SEMA5B: variants seen among roughly 807,000 people sequenced by gnomAD.
SEMA5B encodes the protein semaphorin 5B.
SEMA5B carries 66 observed loss-of-function variants against 135.0 expected under a neutral mutation model. The observed-to-expected ratio is 0.49, with a 90% CI of 0.40 to 0.60. The LOEUF (loss-of-function observed/expected upper bound fraction) is 0.60. Among genes scored for constraint, SEMA5B ranks in the 20% least tolerant of loss-of-function variants. SEMA5B has a pLI of 0.00. For synonymous variants in SEMA5B, 690 were observed against 639.5 expected, an observed-to-expected ratio of 1.08 and a Z score of -1.19; for missense variants, 1,501 against 1,566.3, an observed-to-expected ratio of 0.96 and a Z score of 0.70.
At chr3:123,015,088 G>A (rs1157995556) in intron 1 of SEMA5B, among the ~76,000 whole-genome samples, 1 of 152,180 alleles carries the variant, frequency 6.6e-6, no homozygotes, top group Non-Finnish European at 1.5e-5. Context: ...CAAACCACCG[G>A]AAGCCAGGAG....
chr3:122,915,394 C>T (rs1938009311), intron 14 of SEMA5B, 46 bp downstream of exon 14: 6 of 1,546,988 alleles, frequency 3.9e-6, no homozygotes, highest in Non-Finnish European at 5.2e-6. Context: ...TAGTTCTCCC[C>T]ACCCTGGTCC....
At chr3:123,028,264 C>T (rs1242870818), upstream of SEMA5B, among the ~76,000 whole-genome samples, 7 of 152,200 alleles carry the variant, frequency 4.6e-5, no homozygotes, top group African/African-American at 1.7e-4. Context: ...GGGAAGGGAC[C>T]TCGTGTAAAA....
intron 1 of SEMA5B, among the ~76,000 whole-genome samples, chr3:122,985,134 A>C (rs1941658560): frequency 1.3e-5 from 2 of 152,224 alleles, no homozygotes. Context: ...CAGAAAAATC[A>C]ATTGTTCCTG....
At position 122,913,693 on chromosome 3, in the gene SEMA5B, G is replaced by T. The variant is rs747718823; in HGVS notation, c.2133-12C>A. On this transcript the variant is annotated splice_polypyrimidine_tract_variant and intron_variant, in intron 15 of 22. Coordinates refer to ENST00000357599, the MANE Select transcript of SEMA5B (RefSeq NM_001031702.4). ...TCTCATTACAGAACCTGGGGTCGGGGGAGAGGCGTCAATCCAGGGAGGGGG... is the reference window on the plus strand; with the variant it reads ...TCTCATTACAGAACCTGGGGTCGGGTGAGAGGCGTCAATCCAGGGAGGGGG... The T allele has an allele frequency of 6.2e-7, 1 of 1,612,582 alleles. No homozygotes were observed. Among genetic ancestry groups the T allele is most frequent in the South Asian group, 1.1e-5 (1 of 90,968 alleles).
intron 3 of SEMA5B, among the ~76,000 whole-genome samples, chr3:122,946,620 G>A (rs1178821766): frequency 6.6e-6 from 1 of 152,090 alleles, no homozygotes; most frequent in East Asian, 1.9e-4. Flanking sequence ...AACCAGTCCT[G>A]GTCCAGGACC....
In SEMA5B at chr3:122,915,792, T is replaced by C. The variant is rs772997200; in HGVS notation, c.1787A>G (p.Gln596Arg). The change falls in exon 13 of 23, where the codon CAG becomes CGG. Residue 596 changes from glutamine to arginine, a missense_variant. Gln to Arg is a conservative substitution (Grantham distance 43). Transcript: ENST00000357599. ...TCTCACAGGACAGGCGGTGATGTTC[T>C]GGGTCCAGAGGCTCATGTTGGAGCT... The part of the protein sequence containing the change: ...EDSSNMSLWT[Q>R]NITACPVRNV... 6.2e-7 allele frequency: 1 copy of C among 1,614,124 alleles called. No homozygotes were observed. Among genetic ancestry groups the C allele is most frequent in the Non-Finnish European group, 8.5e-7 (1 of 1,179,998 alleles).
At chr3:122,938,384 C>T (rs1270308851) in intron 5 of SEMA5B, among the ~76,000 whole-genome samples, 3 of 152,156 alleles carry the variant, frequency 2.0e-5, no homozygotes, top group East Asian at 1.9e-4. Flanking sequence ...CAACCCTTCC[C>T]TTCCAATGGG....
intron 1 of SEMA5B, among the ~76,000 whole-genome samples, chr3:122,987,434 A>T (rs1941737670): frequency 6.6e-6 from 1 of 152,144 alleles, no homozygotes; most frequent in Non-Finnish European, 1.5e-5. Flanking sequence ...ACTGAGTAGG[A>T]TTTAGGGGTC....
chr3:123,017,225 G>T (rs1197368175), intron 1 of SEMA5B, among the ~76,000 whole-genome samples: 1 of 151,882 alleles, frequency 6.6e-6, no homozygotes, highest in Non-Finnish European at 1.5e-5. Flanking sequence ...ATCCAAGTTT[G>T]GTTGAATCCT....
chr3:123,015,340 G>A lies in SEMA5B; in HGVS notation c.-39+12124C>T, dbSNP rs2107808043. 2.0e-5 allele frequency among the ~76,000 whole-genome samples: 3 copies of A among 152,380 alleles called. No homozygotes were observed. In the South Asian group the frequency reaches 6.2e-4, roughly 32 times the overall value. ...GGGGTGCTGGTTGGCTGTAAGCTCA[G>A]TCGAAATCAGCAGTGCTGTGTGGCT... On this transcript the variant is annotated intron_variant, in intron 1 of 22. Transcript: ENST00000357599.
chr3:122,984,469 G>T (rs953163353), intron 1 of SEMA5B, among the ~76,000 whole-genome samples: 2 of 152,184 alleles, frequency 1.3e-5, no homozygotes, highest in South Asian at 2.1e-4. Flanking sequence ...GCCTCTTCAC[G>T]TCCGTCTGTG....
intron 2 of SEMA5B, among the ~76,000 whole-genome samples, chr3:122,959,490 C>T (rs1344033257): frequency 6.6e-6 from 1 of 152,204 alleles, no homozygotes; most frequent in Non-Finnish European, 1.5e-5. Context: ...ATCTCATAAA[C>T]ATGGTCTATA....
intron 1 of SEMA5B, among the ~76,000 whole-genome samples, chr3:123,009,920 G>A (rs1942397728): frequency 6.6e-6 from 1 of 152,184 alleles, no homozygotes; most frequent in South Asian, 2.1e-4. Context: ...CTCTGCCCTG[G>A]GAAATGAAGC....
intron 8 of SEMA5B, among the ~76,000 whole-genome samples, chr3:122,926,936 C>T (rs1353128698): frequency 1.3e-5 from 2 of 152,214 alleles, no homozygotes; most frequent in African/African-American, 4.8e-5. Context: ...TGGATTAATC[C>T]AGTCCTTCAA....
intron 2 of SEMA5B, among the ~76,000 whole-genome samples, chr3:122,959,909 A>T (rs1179605641): frequency 1.3e-5 from 2 of 152,210 alleles, no homozygotes; most frequent in Non-Finnish European, 2.9e-5. Context: ...GCAAGGAAAA[A>T]GAAAACAAAG....
chr3:122,926,206 G>A (rs1229415768), intron 9 of SEMA5B, among the ~76,000 whole-genome samples, 186 bp downstream of exon 9: 1 of 152,198 alleles, frequency 6.6e-6, no homozygotes, highest in Non-Finnish European at 1.5e-5. Flanking sequence ...CTCTGGCCTA[G>A]GCTTGCCCTT....
intron 1 of SEMA5B, among the ~76,000 whole-genome samples, chr3:122,963,643 T>C (rs1560373872): frequency 6.6e-6 from 1 of 152,264 alleles, no homozygotes; most frequent in African/African-American, 2.4e-5. Context: ...TGTGTGTCGT[T>C]GGGGAGCCAG....
chr3:122,966,311 T>C (rs1460693375), intron 1 of SEMA5B, among the ~76,000 whole-genome samples: 2 of 152,142 alleles, frequency 1.3e-5, no homozygotes, highest in Admixed American at 1.3e-4. Flanking sequence ...TCATTTGAAG[T>C]TGATGCTTTG....
chr3:123,008,822 A>T (rs73859421), intron 1 of SEMA5B, among the ~76,000 whole-genome samples: 8,287 of 152,202 alleles, frequency 0.054, 634 homozygotes, highest in African/African-American at 0.17. Context: ...GTCAACCAAC[A>T]GTGGCAGGGG....
Sources: allele counts gnomAD v4.1 joint callset (sites outside exome capture counted in the v4.1 genomes callset), GRCh38; gene constraint gnomAD v4.1.1; transcripts MANE v1.5; gene names NCBI Gene and HGNC (gene_info 2026-07-23, HGNC 2026-07-21).